The following ELOVL2 variants were observed in gnomAD, a reference collection of about 807,000 sequenced individuals.
The protein encoded by ELOVL2 is very long chain fatty acid elongase 2.
ELOVL2 carries 38 observed loss-of-function variants against 37.7 expected under a neutral mutation model. That is an observed-to-expected ratio of 1.01 (90% confidence interval 0.78 to 1.32). The LOEUF (loss-of-function observed/expected upper bound fraction) is 1.32, where lower values mean the gene tolerates loss of function less well. ELOVL2 is among the 40% of genes most tolerant of loss of function. The pLI is 0.00. For missense variants in ELOVL2, 352 were observed against 363.6 expected (o/e 0.97, Z 0.26); for synonymous variants, 115 against 122.3 (o/e 0.94, Z 0.40).
chr6:10,989,079 T>C (rs1461509798), intron 7 of ELOVL2, among the ~76,000 whole-genome samples: 1 of 152,236 alleles, frequency 6.6e-6, no homozygotes, highest in East Asian at 1.9e-4. Flanking sequence ...AACTTTCAGA[T>C]GTCAGACTTT....
chr6:11,029,599 T>A (rs1581880288), intron 1 of ELOVL2, among the ~76,000 whole-genome samples: 1 of 152,174 alleles, frequency 6.6e-6, no homozygotes, highest in Non-Finnish European at 1.5e-5. Flanking sequence ...GGGAGTGACA[T>A]CGTATAGCAG....
chr6:11,042,220 C>A (rs184371532), intron 1 of ELOVL2, among the ~76,000 whole-genome samples: 6 of 151,888 alleles, frequency 4.0e-5, no homozygotes, highest in African/African-American at 1.4e-4. Flanking sequence ...GGCTGAGGCA[C>A]GAGAATCACT....
chr6:11,025,035 C>T (rs951215868), intron 1 of ELOVL2, among the ~76,000 whole-genome samples: 1 of 152,160 alleles, frequency 6.6e-6, no homozygotes, highest in Admixed American at 6.6e-5. Context: ...TGTTAAACTT[C>T]GCAGAATTCG....
chr6:11,032,827 C>G (rs1782951710), intron 1 of ELOVL2, among the ~76,000 whole-genome samples: 1 of 152,156 alleles, frequency 6.6e-6, no homozygotes, highest in Non-Finnish European at 1.5e-5. Flanking sequence ...TAACTAATAA[C>G]ATGCAATTGA....
At chr6:11,032,966 T>C (rs1438108217) in intron 1 of ELOVL2, among the ~76,000 whole-genome samples, 1 of 152,196 alleles carries the variant, frequency 6.6e-6, no homozygotes, top group Non-Finnish European at 1.5e-5. Context: ...ATTATTTTAT[T>C]TGAAATAAGC....
chr6:11,044,077 C>T lies in ELOVL2; in HGVS notation c.3+151G>A. The T allele has an allele frequency of 9.7e-7, 1 of 1,029,832 alleles. No homozygotes were observed. Among genetic ancestry groups the T allele is most frequent in the Non-Finnish European group, 1.3e-6 (1 of 794,512 alleles). The allele number at this position is 1,029,832 out of a possible 1,614,324, so 63.8% of individuals were successfully genotyped here. On this transcript the variant is annotated intron_variant, in intron 1 of 7. Coordinates refer to ENST00000354666, the MANE Select transcript of ELOVL2 (RefSeq NM_017770.4). The surrounding 1 kb of genome is among the most constrained non-coding windows in gnomAD (Gnocchi z 5.6). The stretch of plus-strand genomic sequence containing the variant: ...GCTCAGCTCCCGCTCCCCAGGCCCG[C>T]GCGGACCCGGCCCCTCCGAGGGTAG...
intron 1 of ELOVL2, among the ~76,000 whole-genome samples, chr6:11,040,602 T>C (rs1293069578): frequency 6.6e-6 from 1 of 152,238 alleles, no homozygotes; most frequent in East Asian, 1.9e-4. Flanking sequence ...ATGCGATTTA[T>C]GTTATATTTC....
intron 4 of ELOVL2, among the ~76,000 whole-genome samples, chr6:10,997,786 CCACTGATACT>C (rs1329884357): frequency 3.9e-5 from 6 of 152,152 alleles, no homozygotes; most frequent in Non-Finnish European, 7.4e-5. Flanking sequence ...TCCGGCTGTT[CCACTGATACT>C]CAAACTGAAC....
At chr6:11,026,709 G>T (rs900759512) in intron 1 of ELOVL2, among the ~76,000 whole-genome samples, 3 of 152,106 alleles carry the variant, frequency 2.0e-5, no homozygotes, top group Non-Finnish European at 1.5e-5. Context: ...GTACTAAAAG[G>T]CCTCTCTAGC....
chr6:11,011,977 T>C (rs534547734), intron 1 of ELOVL2, among the ~76,000 whole-genome samples: 100 of 152,308 alleles, frequency 6.6e-4, no homozygotes, highest in African/African-American at 2.4e-3. Flanking sequence ...GGAGCATGCA[T>C]TAGATTCAGC....
intron 5 of ELOVL2, among the ~76,000 whole-genome samples, chr6:10,993,000 C>T (rs925286364): frequency 6.6e-6 from 1 of 151,996 alleles, no homozygotes; most frequent in African/African-American, 2.4e-5. Context: ...CAAGACCAGT[C>T]TGGGCAACAC....
At chr6:10,995,396 T>C (rs751935708) in intron 4 of ELOVL2, among the ~76,000 whole-genome samples, 2 of 146,066 alleles carry the variant, frequency 1.4e-5, no homozygotes, top group Non-Finnish European at 3.0e-5. Flanking sequence ...AGAACACATG[T>C]GTGATCACGT....
intron 1 of ELOVL2, among the ~76,000 whole-genome samples, chr6:11,012,866 A>C (rs1034478852): frequency 2.6e-5 from 4 of 152,216 alleles, no homozygotes; most frequent in Non-Finnish European, 4.4e-5. Flanking sequence ...CAGAGTTCTT[A>C]GTGGAGAGAG....
chr6:10,981,230 T>C lies in ELOVL2; in HGVS notation c.*2551A>G, dbSNP rs1327791262. ...GATATGCTTTACAGTATTTAAGTATTTTCATTCCCATGGGTCAGAGGAAAT... is the reference window on the plus strand; with the variant it reads ...GATATGCTTTACAGTATTTAAGTATCTTCATTCCCATGGGTCAGAGGAAAT... On this transcript the variant is annotated 3_prime_UTR_variant, in exon 8 of 8. Transcript: ENST00000354666. The C allele has an allele frequency of 6.6e-6, 1 of 152,404 alleles. No homozygotes were observed. The highest frequency in any genetic ancestry group is 1.5e-5 in the Non-Finnish European group (1 of 68,026). 9.4% of individuals were successfully genotyped at this position (152,404 alleles called of 1,614,324 possible).
intron 1 of ELOVL2, among the ~76,000 whole-genome samples, chr6:11,038,752 T>A (rs73442788): frequency 0.093 from 14,215 of 152,204 alleles, 2,013 homozygotes; most frequent in African/African-American, 0.3. Context: ...GGAATACATA[T>A]TATCATTTAC....
At chr6:11,023,428 T>C (rs1444774829) in intron 1 of ELOVL2, among the ~76,000 whole-genome samples, 1 of 152,232 alleles carries the variant, frequency 6.6e-6, no homozygotes, top group South Asian at 2.1e-4. Context: ...CCAAATTTTA[T>C]TTCTAACTTT....
chr6:11,025,809 T>A (rs1195222581), intron 1 of ELOVL2, among the ~76,000 whole-genome samples: 1 of 152,266 alleles, frequency 6.6e-6, no homozygotes, highest in East Asian at 1.9e-4. Context: ...TCTGCAGAAG[T>A]CTTCACCCAG....
intron 7 of ELOVL2, among the ~76,000 whole-genome samples, chr6:10,987,613 T>C (rs1157855907): frequency 6.6e-6 from 1 of 152,196 alleles, no homozygotes; most frequent in Non-Finnish European, 1.5e-5. Context: ...ATGTTTATAG[T>C]ATCATTTTTA....
chr6:11,037,005 GGAGA>G (rs1783017180), intron 1 of ELOVL2, among the ~76,000 whole-genome samples: 1 of 150,852 alleles, frequency 6.6e-6, no homozygotes, highest in African/African-American at 2.4e-5. Flanking sequence ...AGGCAGAGAG[GGAGA>G]GAGAGACAGA....
Sources: gnomAD v4.1 joint callset for allele counts (sites outside exome capture counted in the v4.1 genomes callset) on GRCh38, gnomAD v4.1.1 for gene constraint, Gnocchi (gnomAD v3.1) non-coding constraint, MANE v1.5 for transcripts, NCBI Gene and HGNC (gene_info 2026-07-23, HGNC 2026-07-21) for gene names.